The following ENOX1 variants were observed in gnomAD, a reference collection of about 807,000 sequenced individuals.
ENOX1 encodes the protein ecto-NOX disulfide-thiol exchanger 1.
A neutral mutation model predicts 82.5 loss-of-function variants in ENOX1; 42 were observed. That is an observed-to-expected ratio of 0.51 (90% CI 0.40 to 0.66). The LOEUF (loss-of-function observed/expected upper bound fraction) is 0.66, where lower values mean the gene tolerates loss of function less well. Ranked by LOEUF, ENOX1 falls within the 30% of genes least tolerant of loss-of-function variation. The probability of loss-of-function intolerance (pLI) is 0.00; values close to 1 mark genes in which losing one functional copy is unlikely to be tolerated. For synonymous variants in ENOX1, 271 were observed against 282.2 expected (o/e 0.96, Z 0.40); for missense variants, 608 against 811.6 (o/e 0.75, Z 3.05).
At chr13:43,359,340 A>C (rs1053047389) in intron 7 of ENOX1, among the ~76,000 whole-genome samples, 1 of 152,216 alleles carries the variant, frequency 6.6e-6, no homozygotes, top group Admixed American at 6.5e-5. Flanking sequence ...ATCTGTAAAA[A>C]TCGCCTATAA....
At chr13:43,455,935 ACTT>A (rs2057205417) in intron 3 of ENOX1, among the ~76,000 whole-genome samples, 3 of 152,078 alleles carry the variant, frequency 2.0e-5, no homozygotes, top group South Asian at 4.2e-4. Flanking sequence ...AGTCCATTAA[ACTT>A]CTTTTTTTAA....
At chr13:43,680,612 C>T (rs1455748437) in intron 1 of ENOX1, among the ~76,000 whole-genome samples, 2 of 152,146 alleles carry the variant, frequency 1.3e-5, no homozygotes, top group African/African-American at 4.8e-5. Context: ...TATTTAACCT[C>T]TCTGATTCAG....
chr13:43,320,739 G>T (rs1271642276), intron 11 of ENOX1, among the ~76,000 whole-genome samples: 8 of 152,092 alleles, frequency 5.3e-5, no homozygotes, highest in Admixed American at 5.2e-4. Flanking sequence ...ACCTTGTCAG[G>T]ATATTAAGAA....
intron 3 of ENOX1, among the ~76,000 whole-genome samples, chr13:43,459,929 G>A (rs2057392395): frequency 6.6e-6 from 1 of 152,178 alleles, no homozygotes; most frequent in Non-Finnish European, 1.5e-5. Context: ...GGGAGGCAGA[G>A]GTTGCAGTGA....
At chr13:43,680,128 C>G (rs1449174723) in intron 1 of ENOX1, among the ~76,000 whole-genome samples, 6 of 152,184 alleles carry the variant, frequency 3.9e-5, no homozygotes, top group Non-Finnish European at 8.8e-5. Flanking sequence ...GGTTCATATA[C>G]TAATTTATTC....
At chr13:43,639,692 T>C (rs980542125) in intron 2 of ENOX1, among the ~76,000 whole-genome samples, 1 of 152,224 alleles carries the variant, frequency 6.6e-6, no homozygotes, top group Non-Finnish European at 1.5e-5. Flanking sequence ...TTCACATGTA[T>C]ATGTGATTCA....
At chr13:43,222,978 CT>C (rs1224922330) in intron 16 of ENOX1, among the ~76,000 whole-genome samples, 1 of 152,188 alleles carries the variant, frequency 6.6e-6, no homozygotes, top group Non-Finnish European at 1.5e-5. Flanking sequence ...GGCATGAAAT[CT>C]GTATGACTGA....
At position 43,360,050 on chromosome 13, in the gene ENOX1, T is replaced by C; in HGVS notation, c.390A>G (p.Pro130=). 1 of 1,614,004 alleles carries C rather than the reference T, an allele frequency of 6.2e-7. No individual in the cohort carries two copies. ...CTLFPQNPNL[P]PPSTRERPPG... Reference sequence around the variant, plus strand: ...GAGGTCGTTCTCTTGTGGAAGGAGGTGGAAGATCTAATAATCACAACAAAA... The same window carrying C: ...GAGGTCGTTCTCTTGTGGAAGGAGGCGGAAGATCTAATAATCACAACAAAA... The change falls in exon 7 of 17, where the codon CCA becomes CCG. Residue 130 remains proline, a synonymous_variant. Transcript: ENST00000690772.
At chr13:43,737,138 A>T (rs1330095737) in intron 1 of ENOX1, among the ~76,000 whole-genome samples, 1 of 152,266 alleles carries the variant, frequency 6.6e-6, no homozygotes, top group African/African-American at 2.4e-5. Context: ...AATAAAATCA[A>T]GTATAACCTC....
rs1006261523 is a variant in ENOX1 at position 43,348,644 on chromosome 13, C to T, written c.824-3894G>A. Reference sequence around the variant, plus strand: ...CCGGGATATGAATCATCCCTTTGTCCAGGGTATCCACGTTGTCTACACTAC... The same window carrying T: ...CCGGGATATGAATCATCCCTTTGTCTAGGGTATCCACGTTGTCTACACTAC... On this transcript the variant is annotated intron_variant, in intron 8 of 16. Coordinates refer to ENST00000690772, the MANE Select transcript of ENOX1 (RefSeq NM_001347969.2). 2.6e-5 allele frequency among the ~76,000 whole-genome samples: 4 copies of T among 152,180 alleles called. No individual in the cohort carries two copies. The East Asian group carries it at 5.8e-4, about 22-fold the overall frequency.
intron 2 of ENOX1, among the ~76,000 whole-genome samples, chr13:43,573,825 T>TA (rs2080293303): frequency 6.6e-6 from 1 of 152,200 alleles, no homozygotes; most frequent in African/African-American, 2.4e-5. Flanking sequence ...CAGCTGCTGA[T>TA]AAAAGTTTGA....
intron 1 of ENOX1, among the ~76,000 whole-genome samples, chr13:43,765,290 C>T (rs1283980077): frequency 6.6e-6 from 1 of 152,144 alleles, no homozygotes; most frequent in Non-Finnish European, 1.5e-5. Flanking sequence ...CATTTACAAC[C>T]GACGTGACCT....
intron 5 of ENOX1, among the ~76,000 whole-genome samples, chr13:43,389,160 A>G (rs1246292152): frequency 6.6e-6 from 1 of 152,150 alleles, no homozygotes; most frequent in East Asian, 1.9e-4. Context: ...TTTGGAAGTA[A>G]TTTTGTGATG....
intron 14 of ENOX1, among the ~76,000 whole-genome samples, chr13:43,252,367 A>C (rs1223758292): frequency 6.6e-6 from 1 of 152,216 alleles, no homozygotes; most frequent in Non-Finnish European, 1.5e-5. Context: ...AGGGGAACCT[A>C]GAGTTTTCAG....
chr13:43,306,299 G>GC (rs2046857508), intron 11 of ENOX1, among the ~76,000 whole-genome samples: 1 of 152,272 alleles, frequency 6.6e-6, no homozygotes, highest in Non-Finnish European at 1.5e-5. Flanking sequence ...CCAAGGCCAG[G>GC]CAGGAGCATC....
chr13:43,708,206 G>A lies in ENOX1; in HGVS notation c.-284-40662C>T, dbSNP rs573666793. On this transcript the variant is annotated intron_variant, in intron 1 of 16. Coordinates refer to ENST00000690772, the MANE Select transcript of ENOX1 (RefSeq NM_001347969.2). ...CTCTAGGAACATTTGTCTGGTGAGG[G>A]AAGAATGCCTCAAGTGAGCATGCGT... Among the ~76,000 whole-genome samples the A allele has an allele frequency of 8.5e-5, 13 of 152,300 alleles. No homozygotes were observed. In the East Asian group the frequency reaches 2.3e-3, roughly 27 times the overall value.
chr13:43,639,569 T>G (rs890772078), intron 2 of ENOX1, among the ~76,000 whole-genome samples: 1 of 152,190 alleles, frequency 6.6e-6, no homozygotes, highest in Non-Finnish European at 1.5e-5. Flanking sequence ...GGCACTTAAT[T>G]ATTGGAGTTG....
At position 43,694,228 on chromosome 13, in the gene ENOX1, A is replaced by G. The variant is rs372554986; in HGVS notation, c.-284-26684T>C. Among the ~76,000 whole-genome samples, 4 of 200 alleles carry G rather than the reference A, an allele frequency of 0.02. No individual in the cohort carries two copies. In the East Asian group the frequency reaches 0.5, roughly 25 times the overall value. The allele number at this position is 200 out of a possible 152,430, so 0.1% of individuals were successfully genotyped here. A position where few individuals can be genotyped will look rare whatever the true frequency, so the allele number is the denominator to read the frequency against. ...AAATCATGGAAATTAAACTTAGGGGAAAAAAAAAAAAACAGAGAGAGAGAC... is the reference window on the plus strand; with the variant it reads ...AAATCATGGAAATTAAACTTAGGGGGAAAAAAAAAAAACAGAGAGAGAGAC... On this transcript the variant is annotated intron_variant, in intron 1 of 16. Transcript: ENST00000690772.
intron 1 of ENOX1, among the ~76,000 whole-genome samples, chr13:43,721,204 C>T (rs927310708): frequency 7.2e-5 from 11 of 151,764 alleles, no homozygotes; most frequent in African/African-American, 2.2e-4. Context: ...AATTTAGTAC[C>T]CTTATACTTA....
Sources: gnomAD v4.1 joint callset for allele counts (sites outside exome capture counted in the v4.1 genomes callset) on GRCh38, gnomAD v4.1.1 for gene constraint, MANE v1.5 for transcripts, NCBI Gene and HGNC (gene_info 2026-07-23, HGNC 2026-07-21) for gene names.